MYBL1: variants seen among roughly 807,000 people sequenced by gnomAD.
MYBL1 encodes the protein myb-related protein A.
A neutral mutation model predicts 96.3 loss-of-function variants in MYBL1; 17 were observed. The observed-to-expected ratio is 0.18, with a 90% confidence interval of 0.12 to 0.26. The LOEUF (loss-of-function observed/expected upper bound fraction) is 0.26, where lower values mean the gene tolerates loss of function less well. MYBL1 is among the 10% of genes least tolerant of loss of function. The pLI is 1.00. For missense variants in MYBL1, 701 were observed against 882.9 expected (o/e 0.79, Z 2.61); for synonymous variants, 282 against 292.7 (o/e 0.96, Z 0.37).
intron 1 of MYBL1, among the ~76,000 whole-genome samples, chr8:66,602,768 C>T (rs1382824432): frequency 1.1e-5 from 1 of 90,862 alleles, no homozygotes; most frequent in South Asian, 4.0e-4. Context: ...TTTTCTGAGA[C>T]GGAGTCTCGC....
At chr8:66,568,568 G>A (rs1377827091) in intron 12 of MYBL1, among the ~76,000 whole-genome samples, 1 of 152,048 alleles carries the variant, frequency 6.6e-6, no homozygotes, top group East Asian at 1.9e-4. Context: ...CTCCCAAAGT[G>A]CTGGGATCAC....
chr8:66,578,384 G>GA (rs1809055651), intron 9 of MYBL1, among the ~76,000 whole-genome samples: 2 of 151,728 alleles, frequency 1.3e-5, no homozygotes, highest in Admixed American at 6.6e-5. Context: ...AAATTTACAA[G>GA]AAAAAAACAA....
At chr8:66,601,282 G>C (rs1006390507) in intron 3 of MYBL1, among the ~76,000 whole-genome samples, 2 of 150,618 alleles carry the variant, frequency 1.3e-5, no homozygotes, top group Non-Finnish European at 3.0e-5. Context: ...GTAAACAATA[G>C]GCATAATAGT....
intron 15 of MYBL1, among the ~76,000 whole-genome samples, 178 bp downstream of exon 15, chr8:66,565,886 C>A (rs989498173): frequency 6.6e-6 from 1 of 152,014 alleles, no homozygotes; most frequent in African/African-American, 2.4e-5. Context: ...TTTATATGTG[C>A]CCTGATGAAT....
intron 8 of MYBL1, among the ~76,000 whole-genome samples, chr8:66,581,414 C>G (rs73248122): frequency 6.6e-6 from 1 of 152,008 alleles, no homozygotes; most frequent in Non-Finnish European, 1.5e-5. Flanking sequence ...CGGTGGCTCA[C>G]GCACATAGTC....
chr8:66,589,614 G>A (rs2129912178), intron 8 of MYBL1, among the ~76,000 whole-genome samples: 1 of 152,218 alleles, frequency 6.6e-6, no homozygotes, highest in Admixed American at 6.5e-5. Flanking sequence ...CTGAGTAGCT[G>A]GAGCCACAGG....
Position 66,577,059 on chromosome 8 carries a change from G to A in MYBL1, c.1102-684C>T, listed in dbSNP as rs889385827. On this transcript the variant is annotated intron_variant, in intron 9 of 15. Transcript: ENST00000522677. ...ATGCTAAAAACTCTCAATAAATTAG[G>A]TATTGATGGGACGTATCTCAAAATA... is the stretch of plus-strand genomic sequence containing the variant. Among the ~76,000 whole-genome samples, 185 of 151,988 alleles carry A rather than the reference G, an allele frequency of 1.2e-3. 1 individual carries two copies. The highest frequency in any genetic ancestry group is 3.3e-3 in the African/African-American group (138 of 41,444).
At chr8:66,587,778 A>G (rs1358882796) in intron 8 of MYBL1, among the ~76,000 whole-genome samples, 1 of 152,210 alleles carries the variant, frequency 6.6e-6, no homozygotes, top group Non-Finnish European at 1.5e-5. Flanking sequence ...TAAGCAACTG[A>G]TATGTGGCTA....
At position 66,597,419 on chromosome 8, in the gene MYBL1, G is replaced by A. The variant is rs747034210; in HGVS notation, c.423C>T (p.Ser141=). The A allele has an allele frequency of 3.3e-5, 54 of 1,613,016 alleles. 1 individual carries two copies. In the South Asian group the frequency reaches 5.1e-4, roughly 15 times the overall value. Reference sequence around the variant, plus strand: ...TGATCCTGTCCTCCTCTTCTGTCCAGGAAGATTTCTTTACCTCAGGATTCA... The same window carrying A: ...TGATCCTGTCCTCCTCTTCTGTCCAAGAAGATTTCTTTACCTCAGGATTCA... ...NHLNPEVKKS[S]WTEEEDRIIY... Residue 141 remains serine, a synonymous_variant, in exon 5 of 16, where the codon TCC becomes TCT. Transcript: ENST00000522677.
chr8:66,601,254 C>T (rs1444260382), intron 3 of MYBL1, among the ~76,000 whole-genome samples: 2 of 145,592 alleles, frequency 1.4e-5, no homozygotes, highest in Admixed American at 1.4e-4. Flanking sequence ...TAACGAACAG[C>T]AGGTGAATAG....
At chr8:66,592,179 C>A (rs1809674334) in intron 8 of MYBL1, among the ~76,000 whole-genome samples, 1 of 152,004 alleles carries the variant, frequency 6.6e-6, no homozygotes, top group Non-Finnish European at 1.5e-5. Context: ...GGTGGGGCAT[C>A]ATTTGAGCCC....
rs371102920 is a variant in MYBL1 at position 66,566,721 on chromosome 8, C to G, written c.1913G>C (p.Gly638Ala). The G allele has an allele frequency of 1.2e-6, 2 of 1,608,698 alleles. No homozygotes were observed. The highest frequency in any genetic ancestry group is 2.7e-5 in the African/African-American group (2 of 74,806). Reference sequence around the variant, plus strand: ...AATGTCTTCAGTCAACAGTTGAGTGCCTGATTCTTCTTTTTCCCAATTATC... The same window carrying G: ...AATGTCTTCAGTCAACAGTTGAGTGGCTGATTCTTCTTTTTCCCAATTATC... ...VLDNWEKEES[G>A]TQLLTEDISD... Residue 638 changes from glycine to alanine, a missense_variant, in exon 14 of 16, where the codon GGC (glycine) becomes GCC (alanine). Around this residue, in one of 5 missense-constraint regions of MYBL1, gnomAD observed 137 missense variants for 137.5 expected, o/e 1.00. Coordinates refer to ENST00000522677, the MANE Select transcript of MYBL1 (RefSeq NM_001080416.4).
At chr8:66,580,490 G>A (rs1370181272) in intron 8 of MYBL1, 124 bp from the exon 9 acceptor site, 10 of 641,630 alleles carry the variant, frequency 1.6e-5, no homozygotes, top group Admixed American at 9.0e-5. Flanking sequence ...CCTCAAAATT[G>A]GTATACTTTT....
In MYBL1 at chr8:66,580,287, T is replaced by C. The variant is rs1283259303; in HGVS notation, c.947A>G (p.Glu316Gly). ...NMSNTLNSLD[E>G]HTSEFYSMDE... is the part of the protein sequence containing the mutation. ...CATACTGTAAAACTCACTAGTGTGC[T>C]CGTCAAGGCTATTTAGAGTATTAGA... is the stretch of plus-strand genomic sequence containing the variant. Residue 316 changes from glutamate to glycine, a missense_variant, in exon 9 of 16, where the codon GAG becomes GGG. Glu to Gly is a moderately conservative substitution (Grantham distance 98). This residue lies in a region of MYBL1 where 396 missense variants were observed against 407.4 expected (regional missense o/e 0.97). Coordinates refer to ENST00000522677, the MANE Select transcript of MYBL1 (RefSeq NM_001080416.4). 1 of 1,613,868 alleles carries C rather than the reference T, an allele frequency of 6.2e-7. No individual in the cohort carries two copies. The highest frequency in any genetic ancestry group is 8.5e-7 in the Non-Finnish European group (1 of 1,179,822).
chr8:66,590,615 A>C (rs1809599222), intron 8 of MYBL1, among the ~76,000 whole-genome samples: 1 of 151,896 alleles, frequency 6.6e-6, no homozygotes. Context: ...AAAAAAAAAA[A>C]AACTTTTTGT....
At chr8:66,577,063 T>C (rs1179532606) in intron 9 of MYBL1, among the ~76,000 whole-genome samples, 1 of 152,012 alleles carries the variant, frequency 6.6e-6, no homozygotes, top group Non-Finnish European at 1.5e-5. Flanking sequence ...AATTAGGTAT[T>C]GATGGGACGT....
intron 11 of MYBL1, 36 bp downstream of exon 11, chr8:66,573,328 C>G: frequency 6.4e-7 from 1 of 1,560,232 alleles, no homozygotes; most frequent in Non-Finnish European, 8.7e-7. Flanking sequence ...CTGTGCTCCC[C>G]ATTTTCTCTA....
At chr8:66,597,266 T>C (rs1809889647) in intron 5 of MYBL1, 64 bp downstream of exon 5, 5 of 1,170,268 alleles carry the variant, frequency 4.3e-6, no homozygotes, top group Non-Finnish European at 5.8e-6. Context: ...CAAATGTATT[T>C]AACAGTAAGG....
chr8:66,580,858 CT>C (rs796667192), intron 8 of MYBL1, among the ~76,000 whole-genome samples: 197 of 137,228 alleles, frequency 1.4e-3, no homozygotes, highest in Middle Eastern at 3.7e-3. Context: ...GGAAGCTCTT[CT>C]TTTTTTTTTT....
Sources: gnomAD v4.1 joint callset for allele counts (sites outside exome capture counted in the v4.1 genomes callset) on GRCh38, gnomAD v4.1.1 for gene constraint, gnomAD v4.1.1 regional missense constraint, MANE v1.5 for transcripts, NCBI Gene and HGNC (gene_info 2026-07-23, HGNC 2026-07-21) for gene names.